LOC400499: variants seen among roughly 807,000 people sequenced by gnomAD.
chr16:11,418,937 G>A, the LOC400499 span, among the ~76,000 whole-genome samples: 23 of 152,284 alleles, frequency 1.5e-4, no homozygotes, highest in East Asian at 1.2e-3. Context: ...AGGCAAAGGC[G>A]GACAGATCAC....
At chr16:11,519,051 T>C in the LOC400499 span, 1 of 398,608 alleles carries the variant, frequency 2.5e-6, no homozygotes, top group Non-Finnish European at 4.4e-6. Context: ...ACAAAGCAGT[T>C]CTAGGGCCCT....
the LOC400499 span, among the ~76,000 whole-genome samples, chr16:11,505,878 A>C: frequency 6.6e-6 from 1 of 152,282 alleles, no homozygotes; most frequent in African/African-American, 2.4e-5. Context: ...TTTACGTTAG[A>C]AACGTTCAAA....
At chr16:11,433,275 G>A in the LOC400499 span, among the ~76,000 whole-genome samples, 10 of 152,196 alleles carry the variant, frequency 6.6e-5, no homozygotes, top group African/African-American at 2.4e-4. Context: ...CTGGGGATAA[G>A]GATGGGCAGT....
the LOC400499 span, chr16:11,487,464 C>T: frequency 2.5e-6 from 1 of 398,068 alleles, no homozygotes; most frequent in Non-Finnish European, 4.4e-6. Context: ...GGGCCATACC[C>T]TGAGACAGGG....
chr16:11,508,173 A>T, the LOC400499 span, among the ~76,000 whole-genome samples: 1 of 152,118 alleles, frequency 6.6e-6, no homozygotes, highest in Non-Finnish European at 1.5e-5. Flanking sequence ...TTTCCATCTT[A>T]CATGTGGGTT....
At chr16:11,390,039 G>C in the LOC400499 span, 32 of 1,058,050 alleles carry the variant, frequency 3.0e-5, no homozygotes, top group Non-Finnish European at 3.5e-5. Flanking sequence ...AGGTGTCAAA[G>C]CATTCAGCAC....
the LOC400499 span, among the ~76,000 whole-genome samples, chr16:11,507,112 G>A: frequency 2.0e-3 from 300 of 152,344 alleles, 2 homozygotes; most frequent in African/African-American, 7.2e-3. Flanking sequence ...CCCTGCCAGG[G>A]GAAATGTCCA....
At chr16:11,477,515 G>C in the LOC400499 span, among the ~76,000 whole-genome samples, 1 of 152,246 alleles carries the variant, frequency 6.6e-6, no homozygotes, top group African/African-American at 2.4e-5. Context: ...CACGAGTTCA[G>C]TGAGCTCAAG....
chr16:11,390,021 G>T, the LOC400499 span: 2 of 873,852 alleles, frequency 2.3e-6, no homozygotes, highest in Non-Finnish European at 3.0e-6. Context: ...AGGAGTCAGT[G>T]TGTCGGAAGG....
At chr16:11,456,816 A>C in the LOC400499 span, 1 of 1,533,974 alleles carries the variant, frequency 6.5e-7, no homozygotes. Flanking sequence ...GGAGATCAGA[A>C]ACCTGAGCTG....
At chr16:11,485,270 T>C in the LOC400499 span, among the ~76,000 whole-genome samples, 1 of 152,180 alleles carries the variant, frequency 6.6e-6, no homozygotes, top group Admixed American at 6.5e-5. Flanking sequence ...ACTTGGTAGA[T>C]GCCACACGGT....
chr16:11,399,596 T>C, the LOC400499 span: 1 of 398,802 alleles, frequency 2.5e-6, no homozygotes, highest in East Asian at 3.6e-5. Context: ...CCAGGTTTCC[T>C]GGAGCTGATA....
chr16:11,478,079 G>GC, the LOC400499 span: 1 of 395,604 alleles, frequency 2.5e-6, no homozygotes, highest in Non-Finnish European at 4.5e-6. Flanking sequence ...TTGGGAGGCC[G>GC]AGACGGGTGG....
the LOC400499 span, chr16:11,516,079 T>A: frequency 5.0e-6 from 2 of 399,196 alleles, no homozygotes; most frequent in East Asian, 3.6e-5. Flanking sequence ...CAGACAGGGT[T>A]GGGGACAGGT....
At chr16:11,425,935 A>G in the LOC400499 span, among the ~76,000 whole-genome samples, 4 of 152,294 alleles carry the variant, frequency 2.6e-5, no homozygotes, top group East Asian at 7.7e-4. Flanking sequence ...GAACACAGAC[A>G]CCAACTTTCT....
the LOC400499 span, among the ~76,000 whole-genome samples, chr16:11,513,400 T>A: frequency 2.3e-5 from 1 of 43,938 alleles, no homozygotes; most frequent in South Asian, 4.5e-4. Context: ...AACGAGACTG[T>A]GTCTCCAAAA....
the LOC400499 span, among the ~76,000 whole-genome samples, chr16:11,483,742 G>T: frequency 6.6e-6 from 1 of 151,398 alleles, no homozygotes; most frequent in African/African-American, 2.4e-5. Context: ...AGGCATGATG[G>T]CACATGCCTA....
chr16:11,378,186 C>T, the LOC400499 span, among the ~76,000 whole-genome samples: 1 of 151,708 alleles, frequency 6.6e-6, no homozygotes, highest in South Asian at 2.1e-4. Context: ...GTCTCCTGGC[C>T]TCGGCCTTCC....
At chr16:11,459,880 C>T in the LOC400499 span, 14 of 1,351,402 alleles carry the variant, frequency 1.0e-5, no homozygotes, top group Non-Finnish European at 1.3e-5. Flanking sequence ...GGCTCTGCCG[C>T]AGTGGCCAGG....
Sources: allele counts gnomAD v4.1 joint callset (sites outside exome capture counted in the v4.1 genomes callset), GRCh38; gene constraint gnomAD v4.1.1; transcripts MANE v1.5.